The following CNTNAP2 variants were observed in gnomAD, a reference collection of about 807,000 sequenced individuals.
CNTNAP2 encodes contactin-associated protein-like 2.
Under a neutral mutation model 155.2 loss-of-function variants are expected in CNTNAP2, and 98 were observed. The observed-to-expected ratio is 0.63, with a 90% confidence interval of 0.54 to 0.75. The LOEUF is 0.75. Among genes scored for constraint, CNTNAP2 ranks in the 30% least tolerant of loss-of-function variants. The pLI, the probability that CNTNAP2 is intolerant of heterozygous loss-of-function variation, is 0.00. For synonymous variants in CNTNAP2, 651 were observed against 631.2 expected (o/e 1.03, Z -0.47); for missense variants, 1,727 against 1,688.1 (o/e 1.02, Z -0.40).
At chr7:148,034,346 A>G (rs778489122) in intron 15 of CNTNAP2, among the ~76,000 whole-genome samples, 2 of 152,148 alleles carry the variant, frequency 1.3e-5, no homozygotes, top group South Asian at 2.1e-4. Context: ...TTGACCCCCA[A>G]TGCAGGGATA....
chr7:147,132,607 G>T (rs1286251522), intron 8 of CNTNAP2, 98 bp downstream of exon 8: 22 of 1,487,964 alleles, frequency 1.5e-5, no homozygotes, highest in Non-Finnish European at 1.3e-5. Flanking sequence ...ACACGCTCAG[G>T]ATTAGGTTTT....
intron 17 of CNTNAP2, among the ~76,000 whole-genome samples, chr7:148,158,444 ATC>A (rs1175310923): frequency 6.6e-6 from 1 of 152,030 alleles, no homozygotes; most frequent in African/African-American, 2.4e-5. Context: ...GATGGCCTCG[ATC>A]TCTCGAGCTC....
In CNTNAP2 at chr7:147,740,243, G is replaced by T. The variant is rs541880822; in HGVS notation, c.2098+100937G>T. Among the ~76,000 whole-genome samples the T allele has an allele frequency of 2.1e-5, 3 of 146,204 alleles. No individual in the cohort carries two copies. In the East Asian group the frequency reaches 6.3e-4, roughly 31 times the overall value. On this transcript the variant is annotated intron_variant, in intron 13 of 23. Coordinates refer to ENST00000361727, the MANE Select transcript of CNTNAP2 (RefSeq NM_014141.6). ...AGGATTTTCAAAACATTTTCTAAGA[G>T]TGTGATATGTGCAGCAAGCATTTAA... is the stretch of plus-strand genomic sequence containing the variant.
intron 21 of CNTNAP2, among the ~76,000 whole-genome samples, chr7:148,281,028 G>T (rs575126093): frequency 1.3e-5 from 2 of 152,266 alleles, no homozygotes; most frequent in Admixed American, 1.3e-4. Context: ...TGTCTCCTAG[G>T]GGCTAGTGCC....
At chr7:148,339,272 AC>A (rs1313355644) in intron 21 of CNTNAP2, among the ~76,000 whole-genome samples, 4 of 149,270 alleles carry the variant, frequency 2.7e-5, no homozygotes, top group Non-Finnish European at 5.9e-5. Context: ...AAAAAAAAAG[AC>A]CCACTCTTGT....
At chr7:148,324,428 A>G (rs1299153368) in intron 21 of CNTNAP2, among the ~76,000 whole-genome samples, 1 of 151,954 alleles carries the variant, frequency 6.6e-6, no homozygotes, top group African/African-American at 2.4e-5. Flanking sequence ...CATAACTCAC[A>G]TTTTCAAAGC....
intron 13 of CNTNAP2, among the ~76,000 whole-genome samples, chr7:147,875,638 T>A (rs1210357078): frequency 2.0e-5 from 3 of 152,074 alleles, no homozygotes; most frequent in African/African-American, 7.2e-5. Flanking sequence ...CATACCGTAA[T>A]CACAGCACTT....
intron 2 of CNTNAP2, among the ~76,000 whole-genome samples, chr7:146,810,038 C>T (rs533248084): frequency 3.4e-4 from 52 of 152,218 alleles, no homozygotes; most frequent in African/African-American, 1.1e-3. Context: ...TGGTATAAGA[C>T]GAGGGCCAAT....
intron 1 of CNTNAP2, among the ~76,000 whole-genome samples, chr7:146,441,653 G>A (rs184564843): frequency 3.3e-5 from 5 of 151,374 alleles, no homozygotes; most frequent in African/African-American, 9.8e-5. Context: ...CTTGAATCTC[G>A]CATTCCTCTC....
intron 2 of CNTNAP2, among the ~76,000 whole-genome samples, chr7:146,822,956 C>A (rs1362811531): frequency 2.4e-4 from 21 of 89,180 alleles, no homozygotes; most frequent in African/African-American, 9.7e-4. Context: ...AGCATATTTA[C>A]ATGGAAATAT....
intron 11 of CNTNAP2, among the ~76,000 whole-genome samples, chr7:147,510,731 A>G (rs1361994322): frequency 1.3e-5 from 2 of 151,358 alleles, no homozygotes; most frequent in Non-Finnish European, 2.9e-5. Context: ...TATGCACTTT[A>G]CAAAAGGCTT....
At chr7:146,162,949 T>C (rs1382521908) in intron 1 of CNTNAP2, among the ~76,000 whole-genome samples, 2 of 152,038 alleles carry the variant, frequency 1.3e-5, no homozygotes, top group Admixed American at 1.3e-4. Context: ...TAGGTGGGAA[T>C]TGAACAATGA....
At chr7:146,964,374 G>A (rs1322210760) in intron 3 of CNTNAP2, among the ~76,000 whole-genome samples, 2 of 152,126 alleles carry the variant, frequency 1.3e-5, no homozygotes, top group African/African-American at 4.8e-5. Context: ...CTTTAAAACT[G>A]ATTTGTTTAA....
intron 11 of CNTNAP2, among the ~76,000 whole-genome samples, chr7:147,550,636 G>GC (rs1799833596): frequency 6.6e-6 from 1 of 152,218 alleles, no homozygotes; most frequent in Non-Finnish European, 1.5e-5. Context: ...AGGGGCTGAT[G>GC]TGGGGAGAGG....
At chr7:148,325,620 T>C (rs1187893123) in intron 21 of CNTNAP2, among the ~76,000 whole-genome samples, 1 of 152,230 alleles carries the variant, frequency 6.6e-6, no homozygotes, top group African/African-American at 2.4e-5. Context: ...AGCCCAGCCA[T>C]GACCCCAAAC....
chr7:148,213,872 A>G (rs1244290880), intron 18 of CNTNAP2, among the ~76,000 whole-genome samples: 2 of 152,106 alleles, frequency 1.3e-5, no homozygotes, highest in African/African-American at 2.4e-5. Flanking sequence ...GGGATCCCCA[A>G]CACCCAGCTG....
intron 1 of CNTNAP2, among the ~76,000 whole-genome samples, chr7:146,550,927 G>A (rs558769279): frequency 6.6e-6 from 1 of 152,162 alleles, no homozygotes; most frequent in Admixed American, 6.6e-5. Context: ...GCCCAGACAG[G>A]GAGGAGAGGT....
chr7:147,659,792 G>A (rs1795583820), intron 13 of CNTNAP2, among the ~76,000 whole-genome samples: 1 of 152,168 alleles, frequency 6.6e-6, no homozygotes, highest in African/African-American at 2.4e-5. Context: ...ATGAGGTGAT[G>A]TAACATAAAA....
At chr7:146,124,246 A>T (rs1365446438) in intron 1 of CNTNAP2, among the ~76,000 whole-genome samples, 2 of 152,122 alleles carry the variant, frequency 1.3e-5, no homozygotes, top group African/African-American at 2.4e-5. Context: ...TTAAAGTAAA[A>T]TTTAAAAAAA....
Sources: allele counts gnomAD v4.1 joint callset (sites outside exome capture counted in the v4.1 genomes callset), GRCh38; gene constraint gnomAD v4.1.1; transcripts MANE v1.5; gene names NCBI Gene and HGNC (gene_info 2026-07-23, HGNC 2026-07-21).